SYBU: variants seen among roughly 807,000 people sequenced by gnomAD.
SYBU encodes syntabulin.
Under a neutral mutation model 35.9 loss-of-function variants are expected in SYBU, and 21 were observed. The ratio of observed to expected loss-of-function variants is 0.58; its 90% confidence interval spans 0.41 to 0.84. The LOEUF (loss-of-function observed/expected upper bound fraction) is 0.84. Among genes scored for constraint, SYBU ranks in the 40% least tolerant of loss-of-function variants. The pLI is 0.00. For synonymous variants in SYBU, 319 were observed against 324.3 expected (o/e 0.98, Z 0.18); for missense variants, 768 against 848.2 (o/e 0.91, Z 1.17).
At chr8:109,659,146 G>C (rs1255991644) in intron 1 of SYBU, among the ~76,000 whole-genome samples, 4 of 152,156 alleles carry the variant, frequency 2.6e-5, no homozygotes, top group Admixed American at 1.3e-4. Flanking sequence ...AAAAAGAACT[G>C]GGCTTGCTGA....
chr8:109,643,150 C>T (rs1815124026), intron 1 of SYBU: 2 of 419,660 alleles, frequency 4.8e-6, no homozygotes, highest in South Asian at 9.2e-5. Context: ...CTGTGTGGCA[C>T]ACACACACAC....
upstream of SYBU, among the ~76,000 whole-genome samples, chr8:109,685,501 G>A (rs940536742): frequency 6.6e-5 from 10 of 152,158 alleles, no homozygotes; most frequent in African/African-American, 2.4e-4. Context: ...TTGAGATAAA[G>A]CTATAAAAAA....
At chr8:109,677,703 A>C (rs1312475090) in intron 1 of SYBU, among the ~76,000 whole-genome samples, 1 of 152,224 alleles carries the variant, frequency 6.6e-6, no homozygotes, top group East Asian at 1.9e-4. Context: ...CAACCCTATA[A>C]ATGCAGTATT....
chr8:109,576,624 G>A (rs1822353612), intron 6 of SYBU, among the ~76,000 whole-genome samples: 1 of 152,114 alleles, frequency 6.6e-6, no homozygotes, highest in African/African-American at 2.4e-5. Flanking sequence ...ACACGTGGCA[G>A]GGACTTTACA....
intron 1 of SYBU, among the ~76,000 whole-genome samples, chr8:109,655,745 T>G (rs1816328233): frequency 6.6e-6 from 1 of 152,218 alleles, no homozygotes; most frequent in Non-Finnish European, 1.5e-5. Flanking sequence ...ATTTATATTT[T>G]TCACATATTC....
At chr8:109,615,970 T>C in intron 3 of SYBU, among the ~76,000 whole-genome samples, 1 of 150,882 alleles carries the variant, frequency 6.6e-6, no homozygotes, top group Non-Finnish European at 1.5e-5. Flanking sequence ...TTATCCTTCC[T>C]TTATTCCCTG....
intron 1 of SYBU, among the ~76,000 whole-genome samples, chr8:109,667,034 C>T (rs1308732043): frequency 3.3e-5 from 5 of 152,140 alleles, no homozygotes; most frequent in African/African-American, 1.2e-4. Context: ...TTACATACAA[C>T]AGAGTGAAAA....
intron 3 of SYBU, among the ~76,000 whole-genome samples, chr8:109,600,652 A>G (rs905563211): frequency 1.3e-5 from 2 of 152,228 alleles, no homozygotes; most frequent in Admixed American, 6.5e-5. Context: ...ATGAACATAG[A>G]GAAAAGATAA....
chr8:109,670,376 TA>T (rs1287308936), intron 1 of SYBU, among the ~76,000 whole-genome samples: 6 of 150,144 alleles, frequency 4.0e-5, no homozygotes, highest in South Asian at 4.2e-4. Flanking sequence ...TAGGTATATC[TA>T]AAAAAAAATA....
intron 2 of SYBU, among the ~76,000 whole-genome samples, chr8:109,642,381 AT>A (rs1814996164): frequency 1.3e-5 from 2 of 152,200 alleles, no homozygotes; most frequent in Admixed American, 6.5e-5. Flanking sequence ...CCACCATGGC[AT>A]GTGTATACTT....
chr8:109,617,985 A>G (rs756675529), intron 3 of SYBU, among the ~76,000 whole-genome samples: 8 of 152,234 alleles, frequency 5.3e-5, no homozygotes, highest in Middle Eastern at 3.2e-3. Flanking sequence ...AACCATCTGT[A>G]GCTCCTTGCA....
chr8:109,604,578 A>G (rs570360858), intron 3 of SYBU, among the ~76,000 whole-genome samples: 1 of 152,326 alleles, frequency 6.6e-6, no homozygotes, highest in East Asian at 1.9e-4. Flanking sequence ...CTGAGAAGAA[A>G]AGGAAGGGTG....
chr8:109,654,123 T>C (rs1228311509), intron 1 of SYBU, among the ~76,000 whole-genome samples: 1 of 152,182 alleles, frequency 6.6e-6, no homozygotes, highest in African/African-American at 2.4e-5. Context: ...CAAAAACTTT[T>C]CCAGTGAAAT....
intron 3 of SYBU, among the ~76,000 whole-genome samples, chr8:109,609,042 G>C (rs1281824420): frequency 6.6e-6 from 1 of 152,092 alleles, no homozygotes; most frequent in Non-Finnish European, 1.5e-5. Context: ...ATTTCCTTAT[G>C]TTACCAAATA....
chr8:109,607,830 A>ACACACACACACC, intron 3 of SYBU: 1 of 748,018 alleles, frequency 1.3e-6, no homozygotes, highest in Non-Finnish European at 2.3e-6. Flanking sequence ...ACACACACAC[A>ACACACACACACC]CACACACACA....
At chr8:109,622,592 A>G (rs1053856667) in intron 2 of SYBU, among the ~76,000 whole-genome samples, 1 of 152,174 alleles carries the variant, frequency 6.6e-6, no homozygotes, top group South Asian at 2.1e-4. Flanking sequence ...GGTTGTTTAT[A>G]TCTAATCTTA....
intron 3 of SYBU, among the ~76,000 whole-genome samples, chr8:109,589,447 C>T (rs1284788901): frequency 6.6e-6 from 1 of 152,108 alleles, no homozygotes; most frequent in Non-Finnish European, 1.5e-5. Flanking sequence ...GAGTGTTATC[C>T]CAGGACTGAA....
At chr8:109,613,156 A>G (rs1193203599) in intron 3 of SYBU, among the ~76,000 whole-genome samples, 1 of 152,092 alleles carries the variant, frequency 6.6e-6, no homozygotes, top group African/African-American at 2.4e-5. Flanking sequence ...TAGAGCAACT[A>G]TTCCTCTCCT....
chr8:109,689,832 G>GAA (rs544879954), intron 1 of SYBU, among the ~76,000 whole-genome samples: 87 of 102,694 alleles, frequency 8.5e-4, no homozygotes, highest in South Asian at 1.1e-3. Flanking sequence ...ACTACAATAT[G>GAA]AAAAAAAAAA....
Sources: gnomAD v4.1 joint callset for allele counts (sites outside exome capture counted in the v4.1 genomes callset) on GRCh38, gnomAD v4.1.1 for gene constraint, MANE v1.5 for transcripts, NCBI Gene and HGNC (gene_info 2026-07-23, HGNC 2026-07-21) for gene names.